FAT1: variants seen among roughly 807,000 people sequenced by gnomAD.
The protein encoded by FAT1 is FAT atypical cadherin 1.
Under a neutral mutation model 329.8 loss-of-function variants are expected in FAT1, and 171 were observed. The observed-to-expected ratio is 0.52, with a 90% CI of 0.46 to 0.59. The LOEUF (loss-of-function observed/expected upper bound fraction) is 0.59. FAT1 is among the 20% of genes least tolerant of loss of function. The probability of loss-of-function intolerance (pLI) is 0.00; values close to 1 mark genes in which losing one functional copy is unlikely to be tolerated. For synonymous variants in FAT1, 2,233 were observed against 2,228.6 expected (o/e 1.00, Z -0.06); for missense variants, 5,672 against 5,774.4 (o/e 0.98, Z 0.57).
At chr4:186,599,693 G>A (rs903514586) in intron 22 of FAT1, among the ~76,000 whole-genome samples, 6 of 152,200 alleles carry the variant, frequency 3.9e-5, no homozygotes, top group East Asian at 1.9e-4. Context: ...AGTGGGAGCC[G>A]TGGTACCTGC....
intron 26 of FAT1, among the ~76,000 whole-genome samples, chr4:186,592,108 C>T (rs1318247589): frequency 1.3e-4 from 20 of 152,122 alleles, no homozygotes; most frequent in Non-Finnish European, 2.9e-5. Context: ...CTGTGTCTTC[C>T]CCATGTGATG....
At chr4:186,725,908 G>A (rs748471189), upstream of FAT1, among the ~76,000 whole-genome samples, 49 of 152,176 alleles carry the variant, frequency 3.2e-4, no homozygotes, top group Admixed American at 8.5e-4. The surrounding 1 kb of genome is among the most constrained non-coding windows in gnomAD (Gnocchi z 5.4). Context: ...TGGGTGGTCA[G>A]TGAAGACTGG....
chr4:186,644,943 G>A (rs1741286200), intron 3 of FAT1, among the ~76,000 whole-genome samples: 1 of 152,210 alleles, frequency 6.6e-6, no homozygotes, highest in African/African-American at 2.4e-5. Context: ...ATGAAGGCTA[G>A]AAGTTGGCAA....
At chr4:186,701,669 C>T (rs1323256410) in intron 2 of FAT1, among the ~76,000 whole-genome samples, 2 of 152,184 alleles carry the variant, frequency 1.3e-5, no homozygotes, top group African/African-American at 4.8e-5. Context: ...ATCCGGGGCC[C>T]GTCAGCCTCC....
chr4:186,657,330 C>T (rs1741950009), intron 3 of FAT1, among the ~76,000 whole-genome samples: 1 of 152,086 alleles, frequency 6.6e-6, no homozygotes, highest in African/African-American at 2.4e-5. Context: ...TGATACACGC[C>T]AAAACATGCA....
chr4:186,674,925 T>C (rs1374075768), intron 2 of FAT1, among the ~76,000 whole-genome samples: 1 of 152,026 alleles, frequency 6.6e-6, no homozygotes, highest in Non-Finnish European at 1.5e-5. Context: ...TCCCAGCTAC[T>C]TGGGTGCCTG....
rs1450762665 is a variant in FAT1, at chr4:186,618,752, C to T, written c.7834G>A (p.Gly2612Arg). Residue 2612 changes from glycine to arginine, a missense_variant, in exon 10 of 27, where the codon GGG becomes AGG. By Grantham distance (125) the Gly-to-Arg change is moderately radical (BLOSUM62 -2). Around this residue, in one of 2 missense-constraint regions of FAT1, gnomAD observed 3,966 missense variants for 3,915.2 expected, o/e 1.01. Transcript: ENST00000441802. Reference sequence around the variant, plus strand: ...GCAAGAACTTTAACGACTGAAGTCCCTTTAGCAGCACTGGACCCGATATTC... The same window carrying T: ...GCAAGAACTTTAACGACTGAAGTCCTTTTAGCAGCACTGGACCCGATATTC... ...EVNIGSSAAKGTSVVKVLASD... is the reference protein window; with the variant it reads ...EVNIGSSAAKRTSVVKVLASD... 6.2e-7 allele frequency: 1 copy of T among 1,613,884 alleles called. No individual in the cohort carries two copies. The highest frequency in any genetic ancestry group is 8.5e-7 in the Non-Finnish European group (1 of 1,179,908).
chr4:186,684,418 AG>A (rs1351109575), intron 2 of FAT1, among the ~76,000 whole-genome samples: 1 of 152,186 alleles, frequency 6.6e-6, no homozygotes, highest in Non-Finnish European at 1.5e-5. Flanking sequence ...GTACTCTTGC[AG>A]ATTTCCTGTC....
In FAT1 at chr4:186,602,884, C is replaced by G; in HGVS notation, c.11482+19G>C. 1 of 1,596,608 alleles carries G rather than the reference C, an allele frequency of 6.3e-7. No individual in the cohort carries two copies. The highest frequency in any genetic ancestry group is 8.5e-7 in the Non-Finnish European group (1 of 1,170,186). On this transcript the variant is annotated intron_variant, in intron 20 of 26. Transcript: ENST00000441802. ...CCGATTTTTAAAAATAAAAGTATAC[C>G]CAACCATTCAACTCTCACCTGGGCA... is the stretch of plus-strand genomic sequence containing the variant.
chr4:186,684,811 G>C (rs942186477), intron 2 of FAT1, among the ~76,000 whole-genome samples: 1 of 152,008 alleles, frequency 6.6e-6, no homozygotes, highest in African/African-American at 2.4e-5. Context: ...TCTGGATAGG[G>C]CGTAACATAT....
chr4:186,598,011 C>T lies in FAT1; in HGVS notation c.12218G>A (p.Gly4073Asp), dbSNP rs1035560651. Reference protein sequence around the residue: ...YGGTCVVDNGGFVCQCRGLYT... With the variant: ...YGGTCVVDNGDFVCQCRGLYT... ...TAATCCTCTACACTGGCAAACAAAG[C>T]CTCCGTTGTCGACAACACACGTGCC... is the stretch of plus-strand genomic sequence containing the variant. Residue 4073 changes from glycine to aspartate, a missense_variant, in exon 23 of 27, where the codon GGC becomes GAC. Physicochemically the swap from Gly to Asp is moderately conservative, Grantham distance 94. Coordinates refer to ENST00000441802, the MANE Select transcript of FAT1 (RefSeq NM_005245.4). 6.2e-7 allele frequency: 1 copy of T among 1,613,308 alleles called. No homozygotes were observed. The highest frequency in any genetic ancestry group is 2.2e-5 in the East Asian group (1 of 44,862).
chr4:186,602,830 A>G, intron 20 of FAT1, 73 bp downstream of exon 20: 1 of 1,483,086 alleles, frequency 6.7e-7, no homozygotes, highest in South Asian at 1.3e-5. Context: ...AGACTCCAAT[A>G]AAGAAGAAAA....
Position 186,628,743 on chromosome 4 carries a change from G to C in FAT1, c.4344C>G (p.Asp1448Glu). The change falls in exon 8 of 27, where the codon GAC becomes GAG. Residue 1448 changes from aspartate to glutamate, a missense_variant. Physicochemically the swap from Asp to Glu is conservative, Grantham distance 45 (BLOSUM62 2). This residue lies in a region of FAT1 where 3,966 missense variants were observed against 3,915.2 expected (regional missense o/e 1.01). Transcript: ENST00000441802. ...AAAACTGAGGACGATGGTCATTTGTGTCTATTACTTTGATGAATACCTGTA... is the reference window on the plus strand; with the variant it reads ...AAAACTGAGGACGATGGTCATTTGTCTCTATTACTTTGATGAATACCTGTA... ...ILTQVFIKVI[D>E]TNDHRPQFST... The C allele has an allele frequency of 6.2e-7, 1 of 1,613,134 alleles. No individual in the cohort carries two copies. Among genetic ancestry groups the C allele is most frequent in the Non-Finnish European group, 8.5e-7 (1 of 1,179,722 alleles).
intron 18 of FAT1, among the ~76,000 whole-genome samples, 193 bp downstream of exon 18, chr4:186,604,184 T>C (rs886921265): frequency 6.6e-6 from 1 of 152,198 alleles, no homozygotes; most frequent in Non-Finnish European, 1.5e-5. Flanking sequence ...TCAATGACTA[T>C]GACAGAATCA....
intron 2 of FAT1, among the ~76,000 whole-genome samples, chr4:186,695,158 A>G (rs1743964544): frequency 6.6e-6 from 1 of 152,248 alleles, no homozygotes; most frequent in African/African-American, 2.4e-5. Flanking sequence ...AACGTTTTTT[A>G]GAGTTCAAGT....
chr4:186,649,372 T>C (rs958490439), intron 3 of FAT1, among the ~76,000 whole-genome samples: 2 of 152,148 alleles, frequency 1.3e-5, no homozygotes, highest in East Asian at 3.8e-4. Flanking sequence ...TTGTGGTGGA[T>C]TGAATGGTGG....
chr4:186,674,471 A>G (rs1396982563), intron 2 of FAT1, among the ~76,000 whole-genome samples: 1 of 152,194 alleles, frequency 6.6e-6, no homozygotes, highest in African/African-American at 2.4e-5. Flanking sequence ...TTGTGATTCA[A>G]CAGCCAGGTC....
At chr4:186,650,276 C>A (rs1741575498) in intron 3 of FAT1, among the ~76,000 whole-genome samples, 1 of 152,166 alleles carries the variant, frequency 6.6e-6, no homozygotes, top group Non-Finnish European at 1.5e-5. Flanking sequence ...CAAAATATGA[C>A]ACAAATTATA....
At chr4:186,667,506 T>A (rs1742512590) in intron 2 of FAT1, among the ~76,000 whole-genome samples, 1 of 152,232 alleles carries the variant, frequency 6.6e-6, no homozygotes, top group South Asian at 2.1e-4. Flanking sequence ...TCGTGATTGC[T>A]GAGATAAGCT....
Sources: allele counts gnomAD v4.1 joint callset (sites outside exome capture counted in the v4.1 genomes callset), GRCh38; gene constraint gnomAD v4.1.1; regional missense constraint gnomAD v4.1.1; non-coding constraint Gnocchi (gnomAD v3.1); transcripts MANE v1.5; gene names NCBI Gene and HGNC (gene_info 2026-07-23, HGNC 2026-07-21).